SMIM13: variants seen among roughly 807,000 people sequenced by gnomAD.
SMIM13 encodes UPF0766 protein C6orf228.
In SMIM13, 3 loss-of-function variants were observed where a neutral mutation model predicts 5.9. That is an observed-to-expected ratio of 0.51 (90% CI 0.23 to 1.31). The LOEUF (loss-of-function observed/expected upper bound fraction) is 1.31, where lower values mean the gene tolerates loss of function less well. Among genes scored for constraint, SMIM13 ranks in the 40% most tolerant of loss-of-function variants. The pLI, the probability that SMIM13 is intolerant of heterozygous loss-of-function variation, is 0.18. For missense variants in SMIM13, 85 were observed against 109.9 expected (o/e 0.77, Z 1.01); for synonymous variants, 55 against 46.0 (o/e 1.19, Z -0.79).
Position 11,094,388 on chromosome 6 carries a change from C to T in SMIM13, c.75C>T (p.Cys25=). ...TLLIVLLLMV[C]GWYFVWHLFL... is the part of the protein sequence containing the mutation. ...TGATCGTCCTGCTGCTGATGGTGTGCGGTGAGTGGGGGCGGTAGCCGCGAG... is the reference window on the plus strand; with the variant it reads ...TGATCGTCCTGCTGCTGATGGTGTGTGGTGAGTGGGGGCGGTAGCCGCGAG... Residue 25 remains cysteine (C), a splice_region_variant and synonymous_variant, in exon 1 of 2, where the codon TGC becomes TGT. Coordinates refer to ENST00000416247, the MANE Select transcript of SMIM13 (RefSeq NM_001135575.2). The T allele has an allele frequency of 1.3e-6, 2 of 1,534,186 alleles. No homozygotes were observed.
intron 1 of SMIM13, among the ~76,000 whole-genome samples, chr6:11,108,847 G>T (rs1356452599): frequency 6.6e-6 from 1 of 152,168 alleles, no homozygotes; most frequent in Non-Finnish European, 1.5e-5. Context: ...CCTTCTAGTG[G>T]GTCTGGGTCT....
intron 1 of SMIM13, among the ~76,000 whole-genome samples, chr6:11,098,243 C>G (rs1391375061): frequency 6.6e-6 from 1 of 152,196 alleles, no homozygotes; most frequent in Non-Finnish European, 1.5e-5. Context: ...TCTCTGCTTT[C>G]TCACCTCTCA....
At chr6:11,120,000 C>T (rs2113659952) in intron 1 of SMIM13, among the ~76,000 whole-genome samples, 1 of 152,290 alleles carries the variant, frequency 6.6e-6, no homozygotes, top group East Asian at 1.9e-4. Context: ...TTTGGACATA[C>T]TGTCTCATAG....
At chr6:11,095,877 G>A (rs1327397603) in intron 1 of SMIM13, among the ~76,000 whole-genome samples, 1 of 152,182 alleles carries the variant, frequency 6.6e-6, no homozygotes, top group Admixed American at 6.5e-5. Context: ...TGGATGTGGG[G>A]AAGGAGGGAA....
intron 1 of SMIM13, among the ~76,000 whole-genome samples, chr6:11,099,335 C>T (rs1318007725): frequency 2.6e-5 from 4 of 152,142 alleles, no homozygotes; most frequent in East Asian, 3.8e-4. Context: ...CCACCACACC[C>T]GGCTGGTTTT....
intron 1 of SMIM13, among the ~76,000 whole-genome samples, chr6:11,129,078 C>T (rs377300386): frequency 1.3e-5 from 2 of 148,938 alleles, no homozygotes; most frequent in East Asian, 2.0e-4. Flanking sequence ...CTACCGGGAG[C>T]GGGGGGGGGA....
At chr6:11,100,308 C>A (rs568273803) in intron 1 of SMIM13, among the ~76,000 whole-genome samples, 62 of 152,252 alleles carry the variant, frequency 4.1e-4, no homozygotes, top group African/African-American at 1.5e-3. Flanking sequence ...GATCCACCTG[C>A]CTCGGCCTCC....
chr6:11,103,451 T>A, intron 1 of SMIM13: 2 of 508,822 alleles, frequency 3.9e-6, no homozygotes, highest in Non-Finnish European at 6.6e-6. Context: ...GCTCCAACAT[T>A]TCCCCCCCTC....
chr6:11,103,998 C>G, intron 1 of SMIM13: 1 of 1,551,714 alleles, frequency 6.4e-7, no homozygotes, highest in Non-Finnish European at 8.7e-7. Flanking sequence ...CCAAAAGCAA[C>G]ATTTTTCATC....
In SMIM13 at chr6:11,137,556, C is replaced by G. The variant is rs911998121; in HGVS notation, c.*2954C>G. 2.0e-5 allele frequency: 3 copies of G among 152,092 alleles called. No individual in the cohort carries two copies. Among genetic ancestry groups the G allele is most frequent in the Non-Finnish European group, 4.4e-5 (3 of 68,016 alleles). The allele number at this position is 152,092 out of a possible 1,614,324, so 9.4% of individuals were successfully genotyped here. A position where few individuals can be genotyped will look rare whatever the true frequency, so the allele number is the denominator to read the frequency against. Reference sequence around the variant, plus strand: ...CATGTATTAGAATCTTGTCTAACCCCTCACAAAGGATGATGGTGATCAGCA... The same window carrying G: ...CATGTATTAGAATCTTGTCTAACCCGTCACAAAGGATGATGGTGATCAGCA... On this transcript the variant is annotated 3_prime_UTR_variant, in exon 2 of 2. Transcript: ENST00000416247.
chr6:11,124,811 T>C (rs756766139), intron 1 of SMIM13, among the ~76,000 whole-genome samples: 3 of 152,212 alleles, frequency 2.0e-5, no homozygotes, highest in Non-Finnish European at 2.9e-5. Context: ...TGGTTTCTTA[T>C]CAGTAATGTC....
chr6:11,105,208 T>TA (rs767210301), intron 1 of SMIM13: 5 of 1,614,062 alleles, frequency 3.1e-6, no homozygotes, highest in Non-Finnish European at 3.4e-6. Flanking sequence ...GGGGATCCTG[T>TA]ACTTTGGAGC....
At chr6:11,109,837 C>A (rs1222564652) in intron 1 of SMIM13, among the ~76,000 whole-genome samples, 4 of 152,122 alleles carry the variant, frequency 2.6e-5, no homozygotes, top group African/African-American at 9.7e-5. Flanking sequence ...ACTTGATTAC[C>A]TGTCCACAGA....
In SMIM13 at chr6:11,138,134, T is replaced by C. The variant is rs1758538370; in HGVS notation, c.*3532T>C. On this transcript the variant is annotated 3_prime_UTR_variant, in exon 2 of 2. Coordinates refer to ENST00000416247, the MANE Select transcript of SMIM13 (RefSeq NM_001135575.2). Reference sequence around the variant, plus strand: ...GTTGTAACGTAAGATGTAACTGATATAACTAGATTTTGACTGGTAAACTTA... The same window carrying C: ...GTTGTAACGTAAGATGTAACTGATACAACTAGATTTTGACTGGTAAACTTA... 1 of 152,214 alleles carries C rather than the reference T, an allele frequency of 6.6e-6. No homozygotes were observed. Among genetic ancestry groups the C allele is most frequent in the African/African-American group, 2.4e-5 (1 of 41,464 alleles). 9.4% of individuals were successfully genotyped at this position (152,214 alleles called of 1,614,324 possible). A position where few individuals can be genotyped will look rare whatever the true frequency, so the allele number is the denominator to read the frequency against.
At chr6:11,105,540 G>A (rs1758073077) in intron 1 of SMIM13, 1 of 488,986 alleles carries the variant, frequency 2.0e-6, no homozygotes, top group East Asian at 3.6e-5. Context: ...CGGAGCTGAG[G>A]TTGCTGGTTC....
chr6:11,130,970 A>G (rs72825144), intron 1 of SMIM13, among the ~76,000 whole-genome samples: 4,283 of 152,260 alleles, frequency 0.028, 75 homozygotes, highest in South Asian at 0.073. Flanking sequence ...ATGAAATCAA[A>G]ACTATCAGTT....
chr6:11,121,271 A>G (rs1391433320), intron 1 of SMIM13, among the ~76,000 whole-genome samples: 1 of 152,192 alleles, frequency 6.6e-6, no homozygotes, highest in Non-Finnish European at 1.5e-5. Flanking sequence ...CTGTCTTACT[A>G]AATCCCAGGA....
rs1298594908 is a variant in SMIM13, at chr6:11,136,030, G to A, written c.*1428G>A. ...GTGAAACACATGTTTTTGGGGGGGAGGGGGTAACCAAGATTTCAGGGTAGT... is the reference window on the plus strand; with the variant it reads ...GTGAAACACATGTTTTTGGGGGGGAAGGGGTAACCAAGATTTCAGGGTAGT... On this transcript the variant is annotated 3_prime_UTR_variant, in exon 2 of 2. Coordinates refer to ENST00000416247, the MANE Select transcript of SMIM13 (RefSeq NM_001135575.2). 1 of 152,124 alleles carries A rather than the reference G, an allele frequency of 6.6e-6. No homozygotes were observed. Among genetic ancestry groups the A allele is most frequent in the Non-Finnish European group, 1.5e-5 (1 of 67,998 alleles). 9.4% of individuals were successfully genotyped at this position (152,124 alleles called of 1,614,324 possible). A position where few individuals can be genotyped will look rare whatever the true frequency, so the allele number is the denominator to read the frequency against.
At chr6:11,127,351 G>A (rs916494902) in intron 1 of SMIM13, among the ~76,000 whole-genome samples, 2 of 152,166 alleles carry the variant, frequency 1.3e-5, no homozygotes, top group African/African-American at 2.4e-5. Context: ...ATCCCTCCCA[G>A]TCTTCCCTTT....
Sources: allele counts gnomAD v4.1 joint callset (sites outside exome capture counted in the v4.1 genomes callset), GRCh38; gene constraint gnomAD v4.1.1; transcripts MANE v1.5; gene names NCBI Gene and HGNC (gene_info 2026-07-23, HGNC 2026-07-21).